The following CEMIP variants were observed in gnomAD, a reference collection of about 807,000 sequenced individuals.
The protein encoded by CEMIP is cell migration inducing hyaluronidase 1, also known as cell migration-inducing and hyaluronan-binding protein.
Under a neutral mutation model 156.9 loss-of-function variants are expected in CEMIP, and 105 were observed. That is an observed-to-expected ratio of 0.67 (90% CI 0.57 to 0.79). CEMIP has a LOEUF of 0.79. CEMIP is among the 30% of genes least tolerant of loss of function. The probability of loss-of-function intolerance (pLI) is 0.00; values close to 1 mark genes in which losing one functional copy is unlikely to be tolerated. For missense variants in CEMIP, 1,457 were observed against 1,769.4 expected (o/e 0.82, Z 3.17); for synonymous variants, 676 against 668.4 (o/e 1.01, Z -0.17).
In CEMIP at chr15:80,808,720, T is replaced by TA. The variant is rs1008240694; in HGVS notation, c.-176+29116dup. The stretch of plus-strand genomic sequence containing the variant: ...AGCATCTGCTTTGAACACTCCACAA[T>TA]AAAAAAAAAATCAATTCTATGAAAT... On this transcript the variant is annotated intron_variant, in intron 1 of 29. Transcript: ENST00000394685. 2.0e-3 allele frequency among the ~76,000 whole-genome samples: 250 copies of TA among 123,230 alleles called. 1 individual carries two copies. Among genetic ancestry groups the TA allele is most frequent in the Middle Eastern group, 8.8e-3 (2 of 226 alleles). 80.8% of individuals were successfully genotyped at this position (123,230 alleles called of 152,430 possible).
At chr15:80,839,339 G>A (rs1897338607) in intron 1 of CEMIP, among the ~76,000 whole-genome samples, 1 of 100,762 alleles carries the variant, frequency 9.9e-6, no homozygotes, top group Non-Finnish European at 1.8e-5. Flanking sequence ...TGTTTAATTT[G>A]TGGCTTCAAC....
In CEMIP at chr15:80,928,928, C is replaced by T. The variant is rs562409712; in HGVS notation, c.2447C>T (p.Thr816Ile). ...TTTGCTGACAATGGCATTGGCCTGA[C>T]CCTGGCCAGGTAAGGGCAACTGTCA... Reference protein sequence around the residue: ...CRFADNGIGLTLASGGTFPYD... With the variant: ...CRFADNGIGLILASGGTFPYD... Residue 816 changes from threonine to isoleucine, a missense_variant, in exon 20 of 30, where the codon ACC becomes ATC. By Grantham distance (89) the Thr-to-Ile change is moderately conservative (BLOSUM62 -1). This residue lies in a region of CEMIP where 798 missense variants were observed against 980.1 expected (regional missense o/e 0.81). Coordinates refer to ENST00000394685, the MANE Select transcript of CEMIP (RefSeq NM_001293298.2). 2.5e-6 allele frequency: 4 copies of T among 1,614,196 alleles called. No individual in the cohort carries two copies. In the South Asian group the frequency reaches 3.3e-5, roughly 13 times the overall value.
chr15:80,846,684 G>T (rs1305226200), intron 1 of CEMIP, among the ~76,000 whole-genome samples: 1 of 152,214 alleles, frequency 6.6e-6, no homozygotes, highest in African/African-American at 2.4e-5. Flanking sequence ...CCTGCCGGTG[G>T]TCCCGATGCC....
At chr15:80,931,823 C>T (rs576677076) in intron 21 of CEMIP, 36 bp from the exon 22 acceptor site, 1 of 1,600,094 alleles carries the variant, frequency 6.2e-7, no homozygotes, top group Non-Finnish European at 8.6e-7. Flanking sequence ...GAATGGAAAA[C>T]ATTTAGACTG....
intron 1 of CEMIP, among the ~76,000 whole-genome samples, chr15:80,863,898 A>G (rs575085670): frequency 2.0e-4 from 31 of 152,214 alleles, no homozygotes; most frequent in Admixed American, 1.6e-3. Context: ...AAACAAGGCC[A>G]TATTTTATCT....
chr15:80,900,585 G>GGGGTGTGT (rs1218716074), intron 12 of CEMIP, among the ~76,000 whole-genome samples: 29 of 74,974 alleles, frequency 3.9e-4, no homozygotes, highest in South Asian at 1.0e-3. Context: ...CCCAGGTAGG[G>GGGGTGTGT]GTGTGTGTGT....
intron 1 of CEMIP, among the ~76,000 whole-genome samples, chr15:80,829,868 C>T (rs1424788162): frequency 1.3e-5 from 2 of 152,096 alleles, no homozygotes; most frequent in Non-Finnish European, 2.9e-5. Context: ...TATGCAATTT[C>T]CCCAAATCTT....
At chr15:80,832,552 C>G (rs1419667498) in intron 1 of CEMIP, among the ~76,000 whole-genome samples, 2 of 152,068 alleles carry the variant, frequency 1.3e-5, no homozygotes, top group African/African-American at 2.4e-5. Context: ...TTTTGGGGGT[C>G]TCACTGAGAC....
intron 1 of CEMIP, among the ~76,000 whole-genome samples, chr15:80,796,897 G>T (rs529433415): frequency 6.6e-6 from 1 of 152,144 alleles, no homozygotes; most frequent in Non-Finnish European, 1.5e-5. Flanking sequence ...ATTAATCTTT[G>T]ACTTGAACCT....
chr15:80,925,820 A>G, intron 19 of CEMIP, 65 bp downstream of exon 19: 1 of 1,574,192 alleles, frequency 6.4e-7, no homozygotes, highest in East Asian at 2.3e-5. Flanking sequence ...CTAGCCCCCT[A>G]CAGAGACAGG....
chr15:80,866,266 C>G (rs913670330), intron 1 of CEMIP, among the ~76,000 whole-genome samples: 2 of 152,220 alleles, frequency 1.3e-5, no homozygotes, highest in South Asian at 4.1e-4. Context: ...TGGAAATTTC[C>G]CGTATCAATG....
chr15:80,815,664 C>T (rs1294798830), intron 1 of CEMIP, among the ~76,000 whole-genome samples: 1 of 151,958 alleles, frequency 6.6e-6, no homozygotes, highest in African/African-American at 2.4e-5. Flanking sequence ...GAATAAATAT[C>T]CTCTCATTAA....
At chr15:80,839,777 T>G (rs533026243) in intron 1 of CEMIP, among the ~76,000 whole-genome samples, 26 of 152,300 alleles carry the variant, frequency 1.7e-4, no homozygotes, top group African/African-American at 5.5e-4. Flanking sequence ...CAATTCACCC[T>G]CCCAGGTGGT....
intron 19 of CEMIP, among the ~76,000 whole-genome samples, chr15:80,927,500 G>A (rs1169603554): frequency 6.6e-6 from 1 of 152,194 alleles, no homozygotes; most frequent in Non-Finnish European, 1.5e-5. Context: ...TAAATCTCTT[G>A]GTTCTGGTTA....
chr15:80,934,481 ATGAG>A (rs1220391334), intron 23 of CEMIP, among the ~76,000 whole-genome samples: 3 of 152,196 alleles, frequency 2.0e-5, no homozygotes, highest in African/African-American at 7.2e-5. Flanking sequence ...TAATGAATAA[ATGAG>A]TAACGGGAGA....
intron 23 of CEMIP, among the ~76,000 whole-genome samples, chr15:80,935,319 C>A (rs1901078329): frequency 6.6e-6 from 1 of 152,208 alleles, no homozygotes; most frequent in South Asian, 2.1e-4. Context: ...TACACAGCCT[C>A]AGCTCAAGGT....
rs112389597 is a variant in CEMIP, at chr15:80,848,585, T to C, written c.-175-24953T>C. On this transcript the variant is annotated intron_variant, in intron 1 of 29. Transcript: ENST00000394685. ...TTCACATCGTCCCATTTATGGAGGA[T>C]CTCTCTTGGGGTTATTCTTCCAAGG... Among the ~76,000 whole-genome samples the C allele has an allele frequency of 6.8e-3, 1,039 of 152,176 alleles. 7 individuals are homozygous for C. Among genetic ancestry groups the C allele is most frequent in the African/African-American group, 0.019 (809 of 41,504 alleles).
intron 14 of CEMIP, 85 bp from the exon 15 acceptor site, chr15:80,920,009 A>G (rs995094913): frequency 9.0e-6 from 11 of 1,223,380 alleles, no homozygotes; most frequent in Middle Eastern, 3.8e-4. Context: ...TGAGCACATG[A>G]GACTATTTAG....
Position 80,936,614 on chromosome 15 carries a change from G to A in CEMIP, c.3010-60G>A, listed in dbSNP as rs144161571. 4,489 of 1,432,158 alleles carry A rather than the reference G, an allele frequency of 3.1e-3. 24 individuals carry two copies. Among genetic ancestry groups the A allele is most frequent in the South Asian group, 8.2e-3 (721 of 87,416 alleles). 88.7% of individuals were successfully genotyped at this position (1,432,158 alleles called of 1,614,324 possible). A position where few individuals can be genotyped will look rare whatever the true frequency, so the allele number is the denominator to read the frequency against. On this transcript the variant is annotated intron_variant, in intron 23 of 29. Coordinates refer to ENST00000394685, the MANE Select transcript of CEMIP (RefSeq NM_001293298.2). ...GTCTATAGTCAGATGTTAGCCAGAC[G>A]CTCTTGGAATAATCCTTCGTAATAG...
Sources: allele counts gnomAD v4.1 joint callset (sites outside exome capture counted in the v4.1 genomes callset), GRCh38; gene constraint gnomAD v4.1.1; regional missense constraint gnomAD v4.1.1; transcripts MANE v1.5; gene names NCBI Gene and HGNC (gene_info 2026-07-23, HGNC 2026-07-21).